UNC5A: variants seen among roughly 807,000 people sequenced by gnomAD.
The protein encoded by UNC5A is unc-5 netrin receptor A, also known as netrin receptor UNC5A.
In UNC5A, 20 loss-of-function variants were observed where a neutral mutation model predicts 87.4. The ratio of observed to expected loss-of-function variants is 0.23; its 90% CI spans 0.16 to 0.33. The LOEUF is 0.33. Among genes scored for constraint, UNC5A ranks in the 10% least tolerant of loss-of-function variants. The pLI is 1.00. For synonymous variants in UNC5A, 438 were observed against 482.3 expected (o/e 0.91, Z 1.20); for missense variants, 844 against 1,133.4 (o/e 0.74, Z 3.67).
In UNC5A at chr5:176,869,878, C is replaced by T. The variant is rs945837319; in HGVS notation, c.722-492C>T. The T allele has an allele frequency of 3.5e-6, 2 of 570,196 alleles. No individual in the cohort carries two copies. Among genetic ancestry groups the T allele is most frequent in the East Asian group, 3.0e-5 (1 of 33,002 alleles). The allele number at this position is 570,196 out of a possible 1,614,324, so 35.3% of individuals were successfully genotyped here. A position where few individuals can be genotyped will look rare whatever the true frequency, so the allele number is the denominator to read the frequency against. On this transcript the variant is annotated intron_variant, in intron 5 of 14. Transcript: ENST00000329542. This position sits in a 1 kb window ranked among gnomAD's most constrained non-coding sequence, Gnocchi z 9.1. ...CCAGCCTGCCCCCCCATGGCTCCAT[C>T]CCACCCACCCGCCACGCAGGGCCAG...
Position 176,848,080 on chromosome 5 carries a change from GC to G in UNC5A, c.71-14540del, listed in dbSNP as rs1423961708. ...AGGAGGCATCCAGCAGCCCCTCCAG[GC>G]CCCTACTGACCAGCTGACCAGCAGC... On this transcript the variant is annotated intron_variant, in intron 1 of 14. Coordinates refer to ENST00000329542, the MANE Select transcript of UNC5A (RefSeq NM_133369.3). This position sits in a 1 kb window ranked among gnomAD's most constrained non-coding sequence, Gnocchi z 5.8. Among the ~76,000 whole-genome samples, 1 of 149,622 alleles carries G rather than the reference GC, an allele frequency of 6.7e-6. No homozygotes were observed. The highest frequency in any genetic ancestry group is 2.5e-5 in the African/African-American group (1 of 40,494).
chr5:176,819,146 GC>G (rs933209430), intron 1 of UNC5A, among the ~76,000 whole-genome samples: 2 of 152,112 alleles, frequency 1.3e-5, no homozygotes, highest in African/African-American at 4.8e-5. Flanking sequence ...TTCCTGGCCA[GC>G]CCTCCCCAGC....
At chr5:176,849,308 G>C (rs1476349866) in intron 1 of UNC5A, among the ~76,000 whole-genome samples, 1 of 152,220 alleles carries the variant, frequency 6.6e-6, no homozygotes, top group Non-Finnish European at 1.5e-5. Context: ...GTGCAGGCTG[G>C]GCGCAGTGGC....
intron 1 of UNC5A, among the ~76,000 whole-genome samples, chr5:176,840,316 C>G (rs1040093824): frequency 1.3e-5 from 2 of 151,994 alleles, no homozygotes; most frequent in African/African-American, 4.8e-5. Flanking sequence ...GAAGGAACTC[C>G]GAGGCATGGG....
At chr5:176,856,456 A>T (rs1468791183) in intron 1 of UNC5A, among the ~76,000 whole-genome samples, 2 of 151,934 alleles carry the variant, frequency 1.3e-5, no homozygotes, top group Non-Finnish European at 2.9e-5. Flanking sequence ...AGCGGTGGTC[A>T]TTCAGTCACG....
intron 1 of UNC5A, among the ~76,000 whole-genome samples, chr5:176,812,962 T>A (rs1397364585): frequency 6.6e-6 from 1 of 152,190 alleles, no homozygotes; most frequent in African/African-American, 2.4e-5. Flanking sequence ...GTGAAAAATG[T>A]GTCTGTGAGC....
At chr5:176,839,103 T>C (rs1757208872) in intron 1 of UNC5A, among the ~76,000 whole-genome samples, 1 of 152,174 alleles carries the variant, frequency 6.6e-6, no homozygotes, top group South Asian at 2.1e-4. Flanking sequence ...TCTCCTATCA[T>C]CCCAGCTACT....
Position 176,869,686 on chromosome 5 carries a change from G to A in UNC5A, c.722-684G>A, listed in dbSNP as rs911664951. The A allele has an allele frequency of 1.7e-5, 12 of 695,434 alleles. No individual in the cohort carries two copies. Among genetic ancestry groups the A allele is most frequent in the African/African-American group, 8.8e-5 (5 of 57,006 alleles). The allele number at this position is 695,434 out of a possible 1,614,324, so 43.1% of individuals were successfully genotyped here. A position where few individuals can be genotyped will look rare whatever the true frequency, so the allele number is the denominator to read the frequency against. ...AGCTGTGGGCGCGGCTGGCAGAAAC[G>A]GAGCCGGAGCTGCACCAACCCGGCG... On this transcript the variant is annotated intron_variant, in intron 5 of 14. Transcript: ENST00000329542. This position sits in a 1 kb window ranked among gnomAD's most constrained non-coding sequence, Gnocchi z 9.1.
At chr5:176,830,575 T>C (rs1386540877) in intron 1 of UNC5A, among the ~76,000 whole-genome samples, 1 of 143,196 alleles carries the variant, frequency 7.0e-6, no homozygotes, top group East Asian at 2.2e-4. Context: ...TGTGTGTGTG[T>C]GTGTGCGCGT....
intron 6 of UNC5A, 40 bp downstream of exon 6, chr5:176,870,574 G>C (rs1169666770): frequency 1.3e-6 from 2 of 1,540,428 alleles, no homozygotes; most frequent in African/African-American, 2.7e-5. Context: ...CTGTTTGCCT[G>C]GATTGGCCTT....
At chr5:176,811,505 C>T (rs1756453728) in intron 1 of UNC5A, among the ~76,000 whole-genome samples, 1 of 152,250 alleles carries the variant, frequency 6.6e-6, no homozygotes, top group African/African-American at 2.4e-5. Flanking sequence ...CCAGTTTCCC[C>T]TTCTTCCTTA....
chr5:176,859,889 G>GC (rs2113648553), intron 1 of UNC5A, among the ~76,000 whole-genome samples: 1 of 152,352 alleles, frequency 6.6e-6, no homozygotes, highest in Non-Finnish European at 1.5e-5. Flanking sequence ...CCGGATAAAT[G>GC]CCCCCCGGGG....
chr5:176,878,450 C>T (rs374275678), intron 12 of UNC5A, 25 bp from the exon 13 acceptor site: 277 of 1,611,564 alleles, frequency 1.7e-4, no homozygotes, highest in Non-Finnish European at 2.0e-4. Context: ...GCTCACCTGA[C>T]ACCTCCTCTC....
rs1446226765 is a variant in UNC5A, at chr5:176,866,537, C to T, written c.293-1593C>T. Among the ~76,000 whole-genome samples, 1 of 152,196 alleles carries T rather than the reference C, an allele frequency of 6.6e-6. No individual in the cohort carries two copies. The highest frequency in any genetic ancestry group is 1.5e-5 in the Non-Finnish European group (1 of 68,034). On this transcript the variant is annotated intron_variant, in intron 2 of 14. Transcript: ENST00000329542. This position sits in a 1 kb window ranked among gnomAD's most constrained non-coding sequence, Gnocchi z 5.0. Reference sequence around the variant, plus strand: ...TGAAGGAGGGCCGGGCTCCCCACAGCACCACGGGGGATGGAGGAACCATTA... The same window carrying T: ...TGAAGGAGGGCCGGGCTCCCCACAGTACCACGGGGGATGGAGGAACCATTA...
In UNC5A at chr5:176,841,935, C is replaced by T. The variant is rs78900147; in HGVS notation, c.71-20689C>T. 1.5e-4 allele frequency among the ~76,000 whole-genome samples: 23 copies of T among 152,088 alleles called. No homozygotes were observed. Among genetic ancestry groups the T allele is most frequent in the African/African-American group, 5.3e-4 (22 of 41,392 alleles). On this transcript the variant is annotated intron_variant, in intron 1 of 14. Coordinates refer to ENST00000329542, the MANE Select transcript of UNC5A (RefSeq NM_133369.3). The surrounding 1 kb of genome is among the most constrained non-coding windows in gnomAD (Gnocchi z 4.1). ...AATCAAGGCCGGGTGCGGTGGCTCA[C>T]GCCGGTAATCCCAGCACTTTGGGAG...
chr5:176,824,059 T>C lies in UNC5A; in HGVS notation c.70+13239T>C, dbSNP rs755066089. Among the ~76,000 whole-genome samples the C allele has an allele frequency of 4.6e-5, 7 of 152,182 alleles. No homozygotes were observed. Among genetic ancestry groups the C allele is most frequent in the Non-Finnish European group, 1.0e-4 (7 of 68,030 alleles). ...GGTCCCGGAGATCCTGGGCACATGA[T>C]TGGGCCAGGCTGGCCACATGGCCTG... is the stretch of plus-strand genomic sequence containing the variant. On this transcript the variant is annotated intron_variant, in intron 1 of 14. Transcript: ENST00000329542. This position sits in a 1 kb window ranked among gnomAD's most constrained non-coding sequence, Gnocchi z 4.2.
At chr5:176,837,468 G>A (rs1009215022) in intron 1 of UNC5A, among the ~76,000 whole-genome samples, 3 of 152,170 alleles carry the variant, frequency 2.0e-5, no homozygotes, top group Admixed American at 6.5e-5. Context: ...AGGAGCTGAC[G>A]TATGAGCCCT....
intron 1 of UNC5A, among the ~76,000 whole-genome samples, chr5:176,861,162 C>T (rs1362333214): frequency 6.6e-6 from 1 of 152,212 alleles, no homozygotes; most frequent in African/African-American, 2.4e-5. Flanking sequence ...TGAGGATGAC[C>T]GAGCTGAGGG....
chr5:176,873,836 C>T, intron 6 of UNC5A, 132 bp from the exon 7 acceptor site: 2 of 886,894 alleles, frequency 2.3e-6, no homozygotes, highest in Non-Finnish European at 1.7e-6. Context: ...CTCCCTGCCA[C>T]AAGCGTCTGC....
Sources: gnomAD v4.1 joint callset for allele counts (sites outside exome capture counted in the v4.1 genomes callset) on GRCh38, gnomAD v4.1.1 for gene constraint, Gnocchi (gnomAD v3.1) non-coding constraint, MANE v1.5 for transcripts, NCBI Gene and HGNC (gene_info 2026-07-23, HGNC 2026-07-21) for gene names.